TENM4: variants seen among roughly 807,000 people sequenced by gnomAD.
TENM4 encodes teneurin transmembrane protein 4.
TENM4 carries 82 observed loss-of-function variants against 243.3 expected under a neutral mutation model. The ratio of observed to expected loss-of-function variants is 0.34; its 90% CI spans 0.28 to 0.40. The LOEUF (loss-of-function observed/expected upper bound fraction) is 0.40. Among genes scored for constraint, TENM4 ranks in the 10% least tolerant of loss-of-function variants. The pLI, the probability that TENM4 is intolerant of heterozygous loss-of-function variation, is 1.00. For missense variants in TENM4, 3,138 were observed against 3,673.3 expected (o/e 0.85, Z 3.77); for synonymous variants, 1,412 against 1,456.3 (o/e 0.97, Z 0.69).
intron 12 of TENM4, among the ~76,000 whole-genome samples, chr11:78,847,576 A>C (rs963126956): frequency 6.6e-6 from 1 of 152,204 alleles, no homozygotes; most frequent in East Asian, 1.9e-4. Context: ...CTTATACCAG[A>C]TTGCTCCAAA....
Position 79,438,588 on chromosome 11 carries a change from G to T in TENM4, c.-321+1921C>A, listed in dbSNP as rs1004040400. On this transcript the variant is annotated intron_variant, in intron 1 of 33. Coordinates refer to ENST00000278550, the MANE Select transcript of TENM4 (RefSeq NM_001098816.3). This position sits in a 1 kb window ranked among gnomAD's most constrained non-coding sequence, Gnocchi z 4.1. ...CCTGGGCATCTCCAAGGGGGACCAG[G>T]CACCGCGGGCAGGTTTCTAAACACG... Among the ~76,000 whole-genome samples, 1 of 152,182 alleles carries T rather than the reference G, an allele frequency of 6.6e-6. No individual in the cohort carries two copies. The highest frequency in any genetic ancestry group is 2.4e-5 in the African/African-American group (1 of 41,450).
chr11:78,778,632 G>A lies in TENM4; in HGVS notation c.2366-4C>T. On this transcript the variant is annotated splice_region_variant and splice_polypyrimidine_tract_variant and intron_variant, in intron 16 of 33. Coordinates refer to ENST00000278550, the MANE Select transcript of TENM4 (RefSeq NM_001098816.3). The stretch of plus-strand genomic sequence containing the variant: ...ACTACCCTATCCAGATAGTGAGCTA[G>A]GGAGATAAAAGACAGGACATTTAAG... The A allele has an allele frequency of 6.2e-7, 1 of 1,611,806 alleles. No homozygotes were observed. The highest frequency in any genetic ancestry group is 8.5e-7 in the Non-Finnish European group (1 of 1,178,994).
chr11:79,210,299 G>T (rs960063025), intron 3 of TENM4, among the ~76,000 whole-genome samples: 39 of 152,120 alleles, frequency 2.6e-4, no homozygotes, highest in African/African-American at 9.2e-4. Context: ...CATCTTAATC[G>T]TCATGTCTTC....
intron 1 of TENM4, among the ~76,000 whole-genome samples, chr11:79,320,211 C>T (rs908952336): frequency 3.3e-5 from 5 of 152,180 alleles, no homozygotes; most frequent in South Asian, 2.1e-4. Context: ...GTGGAAGTTT[C>T]GGTCACCCAC....
chr11:78,912,692 C>T (rs1038119663), intron 6 of TENM4, among the ~76,000 whole-genome samples: 5 of 152,176 alleles, frequency 3.3e-5, no homozygotes, highest in Admixed American at 1.3e-4. Context: ...GCCCTACTGC[C>T]CTTTAACTAG....
chr11:78,655,514 G>GAA lies in TENM4; in HGVS notation c.*2542_*2543dup. On this transcript the variant is annotated 3_prime_UTR_variant, in exon 34 of 34. Transcript: ENST00000278550. ...CAACATAGTGAGACCCCATCTCTAT[G>GAA]AAAAAAAAAAGAAAGAAAGAAAAAA... 7.0e-6 allele frequency: 1 copy of GAA among 143,808 alleles called. No individual in the cohort carries two copies. The highest frequency in any genetic ancestry group is 2.6e-5 in the African/African-American group (1 of 38,950). The allele number at this position is 143,808 out of a possible 1,614,324, so 8.9% of individuals were successfully genotyped here.
At chr11:79,341,568 G>C (rs1857242509) in intron 1 of TENM4, among the ~76,000 whole-genome samples, 1 of 152,222 alleles carries the variant, frequency 6.6e-6, no homozygotes. Flanking sequence ...AGCACACACT[G>C]TGCAGTGATT....
At chr11:79,155,820 C>G (rs1862602284) in intron 3 of TENM4, among the ~76,000 whole-genome samples, 2 of 151,372 alleles carry the variant, frequency 1.3e-5, no homozygotes, top group South Asian at 4.2e-4. Flanking sequence ...GGCTTTCTCC[C>G]TGAGATCTGG....
At chr11:79,314,454 G>C (rs17138045) in intron 1 of TENM4, among the ~76,000 whole-genome samples, 11,033 of 152,248 alleles carry the variant, frequency 0.072, 468 homozygotes, top group South Asian at 0.083. Flanking sequence ...GTTGGGGCCG[G>C]GAAGCCTGGT....
At chr11:79,287,425 A>T (rs1856276440) in intron 2 of TENM4, among the ~76,000 whole-genome samples, 1 of 152,166 alleles carries the variant, frequency 6.6e-6, no homozygotes, top group African/African-American at 2.4e-5. Context: ...CCCCAGACCC[A>T]TCCAGCCCTG....
chr11:78,935,062 AC>A (rs1307790309), intron 6 of TENM4, among the ~76,000 whole-genome samples: 8 of 124,218 alleles, frequency 6.4e-5, no homozygotes, highest in Admixed American at 4.1e-4. Flanking sequence ...CGGACTGCGG[AC>A]TGCAGTGGCG....
rs748505989 is a variant in TENM4, at chr11:78,708,371, T to G, written c.4199A>C (p.Asp1400Ala). ...ARPLSCDSVM[D>A]ISQVHLEWPT... ...ATGAAGCCATCTTACCTGGGAAATA[T>G]CCATGACAGAATCACAGCTGAGTGG... The change falls in exon 27 of 34, where the codon GAT becomes GCT. Residue 1400 changes from aspartate (D) to alanine (A), a missense_variant. By Grantham distance (126) the Asp-to-Ala change is moderately radical. Transcript: ENST00000278550. 2 of 1,614,018 alleles carry G rather than the reference T, an allele frequency of 1.2e-6. No individual in the cohort carries two copies. Among genetic ancestry groups the G allele is most frequent in the Non-Finnish European group, 1.7e-6 (2 of 1,179,886 alleles).
intron 4 of TENM4, among the ~76,000 whole-genome samples, chr11:79,100,690 C>A (rs1034342768): frequency 6.6e-6 from 1 of 152,116 alleles, no homozygotes; most frequent in Non-Finnish European, 1.5e-5. Context: ...CTGTGCCAGT[C>A]CCCCTCCAGT....
chr11:79,135,755 A>ATGT (rs1251848917), intron 4 of TENM4, among the ~76,000 whole-genome samples: 7 of 127,570 alleles, frequency 5.5e-5, no homozygotes, highest in Non-Finnish European at 7.6e-5. Context: ...ATATACATAT[A>ATGT]TGTATATATC....
chr11:79,202,487 C>G (rs1322265474), intron 3 of TENM4, among the ~76,000 whole-genome samples: 1 of 152,134 alleles, frequency 6.6e-6, no homozygotes, highest in African/African-American at 2.4e-5. Flanking sequence ...GAAAAGAAAA[C>G]CAATTTAAAT....
intron 26 of TENM4, among the ~76,000 whole-genome samples, chr11:78,709,040 T>C (rs933470769): frequency 2.0e-5 from 3 of 150,552 alleles, no homozygotes; most frequent in African/African-American, 7.4e-5. Context: ...CGATCTCGGC[T>C]CACTGCAACC....
intron 15 of TENM4, among the ~76,000 whole-genome samples, chr11:78,803,623 C>A (rs994987666): frequency 6.6e-6 from 1 of 152,196 alleles, no homozygotes; most frequent in Admixed American, 6.5e-5. Flanking sequence ...TAATTCTATT[C>A]AAAGTCCCTT....
chr11:78,687,999 A>T (rs1590939272), intron 29 of TENM4, 55 bp downstream of exon 29: 1 of 1,583,380 alleles, frequency 6.3e-7, no homozygotes, highest in East Asian at 2.2e-5. Flanking sequence ...ATCCTCCTCC[A>T]AAGGGGTCTT....
chr11:78,768,513 T>C (rs1213062293), intron 18 of TENM4, among the ~76,000 whole-genome samples: 1 of 152,250 alleles, frequency 6.6e-6, no homozygotes, highest in Non-Finnish European at 1.5e-5. Context: ...CTCTAGATTG[T>C]GACCTTCACA....
Sources: allele counts gnomAD v4.1 joint callset (sites outside exome capture counted in the v4.1 genomes callset), GRCh38; gene constraint gnomAD v4.1.1; non-coding constraint Gnocchi (gnomAD v3.1); transcripts MANE v1.5; gene names NCBI Gene and HGNC (gene_info 2026-07-23, HGNC 2026-07-21).